CDH13: variants seen among roughly 807,000 people sequenced by gnomAD.
CDH13 encodes cadherin 13, also known as cadherin-13.
A neutral mutation model predicts 63.8 loss-of-function variants in CDH13; 24 were observed. That is an observed-to-expected ratio of 0.38 (90% CI 0.27 to 0.53). The LOEUF (loss-of-function observed/expected upper bound fraction) is 0.53. CDH13 is among the 20% of genes least tolerant of loss of function. The pLI is 0.85. For synonymous variants in CDH13, 503 were observed against 355.3 expected, an observed-to-expected ratio of 1.42 and a Z score of -4.67; for missense variants, 1,049 against 903.1, an observed-to-expected ratio of 1.16 and a Z score of -2.07.
chr16:82,908,785 G>A (rs2041729439), intron 2 of CDH13, among the ~76,000 whole-genome samples: 1 of 152,136 alleles, frequency 6.6e-6, no homozygotes, highest in Admixed American at 6.5e-5. Flanking sequence ...ATAGTGTAAT[G>A]TTTGCGTAAA....
At chr16:82,837,775 A>G (rs1215578340) in intron 1 of CDH13, among the ~76,000 whole-genome samples, 3 of 152,198 alleles carry the variant, frequency 2.0e-5, no homozygotes, top group Non-Finnish European at 2.9e-5. Flanking sequence ...ACATAGCAAC[A>G]TTCCTGACTC....
At chr16:83,502,005 T>C (rs2074294320) in intron 7 of CDH13, among the ~76,000 whole-genome samples, 1 of 152,158 alleles carries the variant, frequency 6.6e-6, no homozygotes, top group Admixed American at 6.5e-5. Flanking sequence ...TCTTATTACT[T>C]GTGTGGCCTT....
intron 6 of CDH13, among the ~76,000 whole-genome samples, chr16:83,429,087 G>A (rs1238212534): frequency 6.6e-6 from 1 of 152,180 alleles, no homozygotes; most frequent in East Asian, 1.9e-4. Flanking sequence ...TTTGAAAGAT[G>A]GCATTAATTC....
At position 83,796,306 on chromosome 16, in the gene CDH13, C is replaced by T. The variant is rs1014362659; in HGVS notation, c.*1276C>T. The T allele has an allele frequency of 5.3e-5, 8 of 152,136 alleles. No individual in the cohort carries two copies. The highest frequency in any genetic ancestry group is 1.3e-4 in the Admixed American group (2 of 15,256). The allele number at this position is 152,136 out of a possible 1,614,324, so 9.4% of individuals were successfully genotyped here. A position where few individuals can be genotyped will look rare whatever the true frequency, so the allele number is the denominator to read the frequency against. On this transcript the variant is annotated 3_prime_UTR_variant, in exon 14 of 14. Transcript: ENST00000567109. Reference sequence around the variant, plus strand: ...CAGCTTGTGGCTTTTTATTAGAGCTCGCCACGAACTAGGGTAAGGTGAGTG... The same window carrying T: ...CAGCTTGTGGCTTTTTATTAGAGCTTGCCACGAACTAGGGTAAGGTGAGTG...
At chr16:82,816,435 A>G (rs1304249945) in intron 1 of CDH13, among the ~76,000 whole-genome samples, 1 of 152,190 alleles carries the variant, frequency 6.6e-6, no homozygotes, top group Non-Finnish European at 1.5e-5. Flanking sequence ...TTGTGCATGA[A>G]GATGGCAAAG....
intron 5 of CDH13, among the ~76,000 whole-genome samples, chr16:83,322,293 C>T (rs946670144): frequency 2.6e-5 from 4 of 152,118 alleles, no homozygotes; most frequent in African/African-American, 4.8e-5. Context: ...CGAGGCAGAG[C>T]GTGTGCACCC....
At chr16:83,328,296 A>C (rs2090411517) in intron 5 of CDH13, among the ~76,000 whole-genome samples, 1 of 152,190 alleles carries the variant, frequency 6.6e-6, no homozygotes, top group Admixed American at 6.5e-5. Flanking sequence ...AGTGAGATTA[A>C]AAGAGAAGCT....
chr16:83,055,285 T>A (rs1007234520), intron 3 of CDH13, among the ~76,000 whole-genome samples: 6 of 151,810 alleles, frequency 4.0e-5, no homozygotes, highest in African/African-American at 1.5e-4. Flanking sequence ...ATACAATTTA[T>A]AACATAGAAA....
intron 1 of CDH13, among the ~76,000 whole-genome samples, chr16:82,695,637 G>A (rs539226502): frequency 4.5e-4 from 69 of 152,256 alleles, no homozygotes; most frequent in Non-Finnish European, 8.7e-4. Flanking sequence ...GTTTTTTAGG[G>A]ACAGAAAGCT....
chr16:83,685,320 G>A (rs1042064139), intron 10 of CDH13, among the ~76,000 whole-genome samples: 1 of 152,166 alleles, frequency 6.6e-6, no homozygotes, highest in Non-Finnish European at 1.5e-5. Context: ...TGCCATGAAT[G>A]CCTTTTTAAA....
At chr16:83,659,122 C>CAGGTCCCATGTCCTCACCAGAA (rs1913195788) in intron 8 of CDH13, among the ~76,000 whole-genome samples, 1 of 146,952 alleles carries the variant, frequency 6.8e-6, no homozygotes, top group Non-Finnish European at 1.5e-5. Context: ...TCCTCACCAC[C>CAGGTCCCATGTCCTCACCAGAA]AGGTCCCATG....
intron 2 of CDH13, among the ~76,000 whole-genome samples, chr16:82,930,039 CTTTTT>C (rs71146098): frequency 1.1e-4 from 10 of 94,768 alleles, no homozygotes; most frequent in South Asian, 3.9e-4. Flanking sequence ...TAGTTTGTCT[CTTTTT>C]TTTTTTTTTT....
At chr16:83,066,178 C>G (rs2031993779) in intron 3 of CDH13, among the ~76,000 whole-genome samples, 1 of 152,176 alleles carries the variant, frequency 6.6e-6, no homozygotes, top group African/African-American at 2.4e-5. Flanking sequence ...ATTTGTAAAG[C>G]ACTTTGGCTT....
intron 5 of CDH13, among the ~76,000 whole-genome samples, chr16:83,295,006 C>G (rs971925009): frequency 6.6e-6 from 1 of 152,128 alleles, no homozygotes; most frequent in African/African-American, 2.4e-5. Flanking sequence ...ACAACCAAAA[C>G]AGCATGGTAC....
At chr16:83,588,754 T>C (rs1389368681) in intron 7 of CDH13, among the ~76,000 whole-genome samples, 1 of 152,196 alleles carries the variant, frequency 6.6e-6, no homozygotes, top group African/African-American at 2.4e-5. Flanking sequence ...GACATCACAC[T>C]TCAAAGGATT....
At chr16:83,204,914 C>T (rs575938853) in intron 4 of CDH13, among the ~76,000 whole-genome samples, 1 of 152,314 alleles carries the variant, frequency 6.6e-6, no homozygotes, top group Admixed American at 6.5e-5. Flanking sequence ...AATGCTTTCG[C>T]CCACAATTAA....
chr16:83,171,825 C>A (rs2037932610), intron 4 of CDH13, among the ~76,000 whole-genome samples: 1 of 152,132 alleles, frequency 6.6e-6, no homozygotes, highest in South Asian at 2.1e-4. Context: ...AATACCTCCA[C>A]CGGTGCAGAT....
chr16:83,501,956 G>A (rs1053470160), intron 7 of CDH13, among the ~76,000 whole-genome samples: 4 of 152,154 alleles, frequency 2.6e-5, no homozygotes, highest in African/African-American at 4.8e-5. Flanking sequence ...CTTGGGCTTA[G>A]GAATTCACAA....
In CDH13 at chr16:83,799,184, A is replaced by C. The variant is rs1197110055; in HGVS notation, c.*4154A>C. 6.6e-6 allele frequency: 1 copy of C among 151,858 alleles called. No individual in the cohort carries two copies. Among genetic ancestry groups the C allele is most frequent in the Non-Finnish European group, 1.5e-5 (1 of 68,050 alleles). 9.4% of individuals were successfully genotyped at this position (151,858 alleles called of 1,614,324 possible). A position where few individuals can be genotyped will look rare whatever the true frequency, so the allele number is the denominator to read the frequency against. ...AAAAATTAGCTGGGTGTGGTGGTGCACACCTGAAACCCCAGCTACTCAGGA... is the reference window on the plus strand; with the variant it reads ...AAAAATTAGCTGGGTGTGGTGGTGCCCACCTGAAACCCCAGCTACTCAGGA... On this transcript the variant is annotated 3_prime_UTR_variant, in exon 14 of 14. Transcript: ENST00000567109.
Sources: allele counts gnomAD v4.1 joint callset (sites outside exome capture counted in the v4.1 genomes callset), GRCh38; gene constraint gnomAD v4.1.1; transcripts MANE v1.5; gene names NCBI Gene and HGNC (gene_info 2026-07-23, HGNC 2026-07-21).